CDKAL1: variants seen among roughly 807,000 people sequenced by gnomAD.
CDKAL1 encodes CDKAL1 threonylcarbamoyladenosine tRNA methylthiotransferase, also known as threonylcarbamoyladenosine tRNA methylthiotransferase.
Under a neutral mutation model 68.2 loss-of-function variants are expected in CDKAL1, and 32 were observed. That is an observed-to-expected ratio of 0.47 (90% confidence interval 0.35 to 0.63). CDKAL1 has a LOEUF of 0.63. Ranked by LOEUF, CDKAL1 falls within the 30% of genes least tolerant of loss-of-function variation. The pLI, the probability that CDKAL1 is intolerant of heterozygous loss-of-function variation, is 0.00. For missense variants in CDKAL1, 606 were observed against 696.7 expected (o/e 0.87, Z 1.47); for synonymous variants, 234 against 244.3 (o/e 0.96, Z 0.39).
At chr6:20,839,718 G>T (rs556276530) in intron 8 of CDKAL1, among the ~76,000 whole-genome samples, 10 of 152,114 alleles carry the variant, frequency 6.6e-5, no homozygotes, top group Admixed American at 5.2e-4. Flanking sequence ...CCTTTGTCTG[G>T]CAAGATCTGC....
chr6:21,230,770 C>A, intron 15 of CDKAL1, 78 bp from the exon 16 acceptor site: 2 of 1,152,752 alleles, frequency 1.7e-6, no homozygotes, highest in Non-Finnish European at 1.2e-6. Flanking sequence ...CCTTCTGGAA[C>A]CCATTGCTTG....
chr6:20,890,104 G>T (rs1761312095), intron 9 of CDKAL1, among the ~76,000 whole-genome samples: 2 of 152,104 alleles, frequency 1.3e-5, no homozygotes, highest in South Asian at 4.1e-4. Flanking sequence ...TCTAGTTAAT[G>T]ATATGAAAGA....
At chr6:20,586,270 G>A (rs1017378789) in intron 4 of CDKAL1, among the ~76,000 whole-genome samples, 1 of 152,090 alleles carries the variant, frequency 6.6e-6, no homozygotes, top group Non-Finnish European at 1.5e-5. Context: ...GAGATTCTTC[G>A]AAACCTAAGT....
intron 9 of CDKAL1, among the ~76,000 whole-genome samples, chr6:20,942,280 C>A (rs1190899560): frequency 6.6e-6 from 1 of 151,580 alleles, no homozygotes; most frequent in East Asian, 1.9e-4. Flanking sequence ...ATTTCCTCTT[C>A]TTGTCCTTTG....
intron 5 of CDKAL1, among the ~76,000 whole-genome samples, chr6:20,702,977 C>A (rs980872540): frequency 1.3e-5 from 2 of 152,186 alleles, no homozygotes; most frequent in African/African-American, 4.8e-5. Context: ...CCCTTTGCTT[C>A]TAATTGGGTA....
intron 9 of CDKAL1, among the ~76,000 whole-genome samples, chr6:20,939,634 T>C (rs1023466456): frequency 6.6e-6 from 1 of 152,182 alleles, no homozygotes; most frequent in Non-Finnish European, 1.5e-5. Flanking sequence ...TCTATTTTCT[T>C]TTTAAATCCT....
chr6:20,814,392 T>C (rs1054200657), intron 8 of CDKAL1, among the ~76,000 whole-genome samples: 4 of 152,200 alleles, frequency 2.6e-5, no homozygotes, highest in African/African-American at 9.6e-5. Context: ...ATGACTTTTA[T>C]GCCTCTAGTG....
intron 13 of CDKAL1, among the ~76,000 whole-genome samples, chr6:21,131,987 T>C (rs1486515346): frequency 6.6e-6 from 1 of 152,100 alleles, no homozygotes; most frequent in East Asian, 1.9e-4. Context: ...ATCTGGTAGT[T>C]AAAGCAATAC....
chr6:20,652,195 T>G (rs1162295974), intron 5 of CDKAL1, among the ~76,000 whole-genome samples: 7 of 152,198 alleles, frequency 4.6e-5, no homozygotes, highest in Non-Finnish European at 8.8e-5. Flanking sequence ...TTCTAATAAG[T>G]AATTTCAGTA....
At chr6:21,139,906 C>CT (rs1159922448) in intron 13 of CDKAL1, among the ~76,000 whole-genome samples, 1 of 152,000 alleles carries the variant, frequency 6.6e-6, no homozygotes, top group Non-Finnish European at 1.5e-5. Flanking sequence ...ACAAAAATAC[C>CT]TTTTTTTCCC....
intron 5 of CDKAL1, among the ~76,000 whole-genome samples, chr6:20,694,062 ATGTGTGTGTG>A (rs55981799): frequency 1.6e-5 from 2 of 128,962 alleles, no homozygotes; most frequent in Non-Finnish European, 3.5e-5. Flanking sequence ...GTGTGTGTGT[ATGTGTGTGTG>A]TGTGTGTGTG....
intron 8 of CDKAL1, among the ~76,000 whole-genome samples, chr6:20,810,434 ACACACACACAC>A: frequency 9.2e-6 from 1 of 109,116 alleles, no homozygotes; most frequent in South Asian, 2.9e-4. Flanking sequence ...ACACACACAC[ACACACACACAC>A]GTGGTGTCAT....
chr6:21,086,182 T>A (rs1488433244), intron 12 of CDKAL1, among the ~76,000 whole-genome samples: 3 of 152,146 alleles, frequency 2.0e-5, no homozygotes, highest in African/African-American at 7.2e-5. Flanking sequence ...GCACAAAGAG[T>A]ATAACTTGCT....
intron 5 of CDKAL1, among the ~76,000 whole-genome samples, chr6:20,697,088 G>A (rs919214434): frequency 2.0e-5 from 3 of 152,094 alleles, no homozygotes; most frequent in Non-Finnish European, 4.4e-5. Flanking sequence ...TTAGAGAGAT[G>A]CAAAAGGAAG....
chr6:20,755,590 T>C (rs553353242), intron 6 of CDKAL1, among the ~76,000 whole-genome samples: 53 of 152,328 alleles, frequency 3.5e-4, no homozygotes, highest in Admixed American at 3.2e-3. Context: ...TCTAGTCCAT[T>C]CCACAAATCT....
chr6:21,176,580 A>G (rs1415154641), intron 13 of CDKAL1, among the ~76,000 whole-genome samples: 1 of 152,074 alleles, frequency 6.6e-6, no homozygotes, highest in African/African-American at 2.4e-5. Flanking sequence ...GAAGGATAGT[A>G]CACGTGTGCT....
intron 13 of CDKAL1, among the ~76,000 whole-genome samples, chr6:21,177,591 A>C (rs1428475014): frequency 6.6e-6 from 1 of 152,190 alleles, no homozygotes; most frequent in Non-Finnish European, 1.5e-5. Context: ...TTGATTTATA[A>C]AACAAAAGCT....
At chr6:20,770,264 A>G (rs1774883278) in intron 7 of CDKAL1, among the ~76,000 whole-genome samples, 2 of 152,158 alleles carry the variant, frequency 1.3e-5, no homozygotes, top group South Asian at 2.1e-4. Flanking sequence ...TTCCCTAACT[A>G]TAAGCAACTG....
intron 9 of CDKAL1, among the ~76,000 whole-genome samples, chr6:20,952,736 A>G (rs1326754471): frequency 6.6e-6 from 1 of 152,248 alleles, no homozygotes; most frequent in Admixed American, 6.5e-5. Context: ...ATGAGTGACT[A>G]CTGAAGCCCT....
Sources: allele counts gnomAD v4.1 joint callset (sites outside exome capture counted in the v4.1 genomes callset), GRCh38; gene constraint gnomAD v4.1.1; transcripts MANE v1.5; gene names NCBI Gene and HGNC (gene_info 2026-07-23, HGNC 2026-07-21).